Variants in ZFHX3 observed in about 807,000 individuals in gnomAD.
The protein encoded by ZFHX3 is zinc finger homeobox protein 3.
ZFHX3 carries 42 observed loss-of-function variants against 279.1 expected under a neutral mutation model. The ratio of observed to expected loss-of-function variants is 0.15; its 90% CI spans 0.12 to 0.19. The LOEUF (loss-of-function observed/expected upper bound fraction) is 0.19, where lower values mean the gene tolerates loss of function less well. Ranked by LOEUF, ZFHX3 falls within the 10% of genes least tolerant of loss-of-function variation. The pLI, the probability that ZFHX3 is intolerant of heterozygous loss-of-function variation, is 1.00. For synonymous variants in ZFHX3, 2,293 were observed against 1,957.8 expected, an observed-to-expected ratio of 1.17 and a Z score of -4.52; for missense variants, 4,981 against 4,754.0, an observed-to-expected ratio of 1.05 and a Z score of -1.40.
intron 1 of ZFHX3, among the ~76,000 whole-genome samples, chr16:73,804,214 G>C (rs992514675): frequency 6.6e-6 from 1 of 152,116 alleles, no homozygotes; most frequent in African/African-American, 2.4e-5. Context: ...GGAGGAACGA[G>C]GAGGAAGAGT....
chr16:72,867,018 G>C (rs1415777788), intron 4 of ZFHX3, among the ~76,000 whole-genome samples: 2 of 152,228 alleles, frequency 1.3e-5, no homozygotes, highest in Non-Finnish European at 2.9e-5. Context: ...AATTTGGAGA[G>C]GGAACTGTGT....
chr16:73,491,183 A>G (rs1170754601), intron 2 of ZFHX3, among the ~76,000 whole-genome samples: 1 of 152,230 alleles, frequency 6.6e-6, no homozygotes, highest in East Asian at 1.9e-4. Flanking sequence ...AAAAGCTGAC[A>G]TGACTTAGGA....
intron 1 of ZFHX3, among the ~76,000 whole-genome samples, chr16:73,855,021 C>T (rs1024058743): frequency 2.0e-5 from 3 of 152,114 alleles, no homozygotes; most frequent in Non-Finnish European, 4.4e-5. Flanking sequence ...ATCCCCAAGC[C>T]AGTATTTTTC....
chr16:72,891,164 C>G (rs1299818079), intron 3 of ZFHX3, among the ~76,000 whole-genome samples: 1 of 152,218 alleles, frequency 6.6e-6, no homozygotes, highest in East Asian at 1.9e-4. Flanking sequence ...CTGTCAATAT[C>G]TCAAAGTCCC....
rs755269228 is a variant in ZFHX3, at chr16:72,958,731, G to GCCTCTTCCTCCT, written c.1403_1414dup (p.Glu468_Glu471dup). Reference sequence around the variant, plus strand: ...CTCCTCTTCTTCCTCCTCCTCCTCCGCCTCTTCCTCCTCCTCTTCCTCCTC... The same window carrying GCCTCTTCCTCCT: ...CTCCTCTTCTTCCTCCTCCTCCTCCGCCTCTTCCTCCTCCTCTTCCTCCTCCTCTTCCTCCTC... On this transcript the variant is annotated inframe_insertion, in exon 2 of 10. Coordinates refer to ENST00000268489, the MANE Select transcript of ZFHX3 (RefSeq NM_006885.4). 35 of 1,599,954 alleles carry GCCTCTTCCTCCT rather than the reference G, an allele frequency of 2.2e-5. No homozygotes were observed. The highest frequency in any genetic ancestry group is 3.3e-5 in the South Asian group (3 of 90,672).
At chr16:73,038,904 C>T (rs1011027987) in intron 1 of ZFHX3, among the ~76,000 whole-genome samples, 2 of 151,836 alleles carry the variant, frequency 1.3e-5, no homozygotes, top group African/African-American at 4.8e-5. Flanking sequence ...CTCAAGCAAT[C>T]CACCCACCTC....
At chr16:73,147,619 G>C (rs1966871339) in intron 5 of ZFHX3, among the ~76,000 whole-genome samples, 1 of 148,638 alleles carries the variant, frequency 6.7e-6, no homozygotes, top group Non-Finnish European at 1.5e-5. Context: ...GTGAACCCGG[G>C]AGGCGGAGCT....
At chr16:73,720,633 T>A (rs1386456963) in intron 1 of ZFHX3, among the ~76,000 whole-genome samples, 2 of 152,192 alleles carry the variant, frequency 1.3e-5, no homozygotes, top group Non-Finnish European at 2.9e-5. Flanking sequence ...ATGGATATAT[T>A]GGAAAAACTC....
At chr16:73,224,147 C>A (rs539492411) in intron 5 of ZFHX3, among the ~76,000 whole-genome samples, 2 of 152,176 alleles carry the variant, frequency 1.3e-5, no homozygotes, top group East Asian at 3.9e-4. Flanking sequence ...TATACAACAC[C>A]AAGAGTGAAC....
chr16:72,895,393 T>C (rs1276801727), intron 3 of ZFHX3, among the ~76,000 whole-genome samples: 1 of 152,182 alleles, frequency 6.6e-6, no homozygotes, highest in African/African-American at 2.4e-5. Flanking sequence ...TATCTTGAGG[T>C]CATCCTAGCT....
At chr16:73,779,906 A>G (rs556824206) in intron 1 of ZFHX3, among the ~76,000 whole-genome samples, 1 of 151,894 alleles carries the variant, frequency 6.6e-6, no homozygotes, top group African/African-American at 2.4e-5. Flanking sequence ...TTTAGTACAG[A>G]TGGGGTTTCA....
rs573694617 is a variant in ZFHX3 at position 73,609,539 on chromosome 16, A to G, written c.-1547+70641T>C. The G allele has an allele frequency of 8.5e-4, 129 of 152,230 alleles. 2 individuals carry two copies. The highest frequency in any genetic ancestry group is 3.4e-3 in the Middle Eastern group (1 of 294). The allele number at this position is 152,230 out of a possible 1,614,324, so 9.4% of individuals were successfully genotyped here. ...AGCGGACACAATTGGAAGCACCCAC[A>G]TTTTTACTTTTAAATTAAAATTTAA... On this transcript the variant is annotated intron_variant, in intron 2 of 17. Transcript: ENST00000641206.
At chr16:73,304,350 G>A (rs2015129541) in intron 4 of ZFHX3, among the ~76,000 whole-genome samples, 1 of 152,176 alleles carries the variant, frequency 6.6e-6, no homozygotes, top group South Asian at 2.1e-4. Flanking sequence ...CAAACTGGCT[G>A]GCGGGGCTTT....
At chr16:73,349,937 T>C (rs1353138821) in intron 3 of ZFHX3, among the ~76,000 whole-genome samples, 5 of 148,530 alleles carry the variant, frequency 3.4e-5, no homozygotes, top group African/African-American at 7.5e-5. Flanking sequence ...CCTCTCCTTT[T>C]CCCCCCTTTC....
At chr16:73,545,605 T>C (rs536606665) in intron 2 of ZFHX3, among the ~76,000 whole-genome samples, 1 of 152,290 alleles carries the variant, frequency 6.6e-6, no homozygotes, top group South Asian at 2.1e-4. Context: ...TCCCCAGGTT[T>C]GCTGCATTCA....
At chr16:73,191,485 CCCTCAT>C (rs1968033025) in intron 5 of ZFHX3, among the ~76,000 whole-genome samples, 1 of 152,158 alleles carries the variant, frequency 6.6e-6, no homozygotes, top group Non-Finnish European at 1.5e-5. Flanking sequence ...AACAGAAAAA[CCCTCAT>C]CAAGTCATTT....
chr16:73,173,760 A>G (rs921258131), intron 5 of ZFHX3, among the ~76,000 whole-genome samples: 2 of 152,178 alleles, frequency 1.3e-5, no homozygotes, highest in Non-Finnish European at 2.9e-5. Flanking sequence ...CAAAGTCACA[A>G]GATAGCCACG....
intron 2 of ZFHX3, among the ~76,000 whole-genome samples, chr16:73,514,052 T>G (rs2019479430): frequency 6.6e-6 from 1 of 152,030 alleles, no homozygotes; most frequent in African/African-American, 2.4e-5. Context: ...ATCAAGACCT[T>G]CCTGGCTAAC....
intron 4 of ZFHX3, among the ~76,000 whole-genome samples, chr16:72,837,637 T>C (rs1332160465): frequency 7.1e-6 from 1 of 140,112 alleles, no homozygotes; most frequent in East Asian, 1.9e-4. Context: ...AGATAATTTT[T>C]GTATTTTTAG....
Sources: gnomAD v4.1 joint callset for allele counts (sites outside exome capture counted in the v4.1 genomes callset) on GRCh38, gnomAD v4.1.1 for gene constraint, MANE v1.5 for transcripts, NCBI Gene and HGNC (gene_info 2026-07-23, HGNC 2026-07-21) for gene names.